The following CSMD1 variants were observed in gnomAD, a reference collection of about 807,000 sequenced individuals.
CSMD1 encodes the protein CUB and sushi domain-containing protein 1.
CSMD1 carries 213 observed loss-of-function variants against 417.5 expected under a neutral mutation model. That is an observed-to-expected ratio of 0.51 (90% confidence interval 0.46 to 0.57). The LOEUF (loss-of-function observed/expected upper bound fraction) is 0.57. CSMD1 is among the 20% of genes least tolerant of loss of function. The probability of loss-of-function intolerance (pLI) is 0.00; values close to 1 mark genes in which losing one functional copy is unlikely to be tolerated. For missense variants in CSMD1, 6,923 were observed against 4,529.7 expected (o/e 1.53, Z -15.17); for synonymous variants, 2,862 against 1,736.8 (o/e 1.65, Z -16.11).
At chr8:3,947,848 C>A (rs1374907536) in intron 5 of CSMD1, among the ~76,000 whole-genome samples, 1 of 152,134 alleles carries the variant, frequency 6.6e-6, no homozygotes, top group Non-Finnish European at 1.5e-5. Flanking sequence ...ACAGGGCTAA[C>A]AAAACCTCCA....
At chr8:3,084,472 G>T (rs113515237) in intron 49 of CSMD1, among the ~76,000 whole-genome samples, 3 of 139,148 alleles carry the variant, frequency 2.2e-5, no homozygotes, top group African/African-American at 8.1e-5. Context: ...GCCGTGAGCC[G>T]AGATCACATC....
At chr8:3,777,246 C>A (rs1471269987) in intron 5 of CSMD1, among the ~76,000 whole-genome samples, 2 of 151,846 alleles carry the variant, frequency 1.3e-5, no homozygotes, top group Non-Finnish European at 2.9e-5. Context: ...TCCTTAAGGG[C>A]AGGGGTTTGT....
chr8:3,721,455 G>C lies in CSMD1; in HGVS notation c.932-12964C>G, dbSNP rs2623551. On this transcript the variant is annotated intron_variant, in intron 6 of 69. Coordinates refer to ENST00000635120, the MANE Select transcript of CSMD1 (RefSeq NM_033225.6). ...TCAAACAGTTAGCTGGCACATATGGGACTGAGTCCATTAGTTTAACATCGG... is the reference window on the plus strand; with the variant it reads ...TCAAACAGTTAGCTGGCACATATGGCACTGAGTCCATTAGTTTAACATCGG... Among the ~76,000 whole-genome samples the C allele has an allele frequency of 4.3e-3, 655 of 152,206 alleles. 13 individuals are homozygous for C. In the East Asian group the frequency reaches 0.069, roughly 16 times the overall value.
intron 7 of CSMD1, among the ~76,000 whole-genome samples, chr8:3,706,507 C>T (rs1056633327): frequency 2.0e-5 from 3 of 152,014 alleles, no homozygotes; most frequent in Admixed American, 1.3e-4. Context: ...ACTTTAATAC[C>T]GTTAAAAGAA....
chr8:3,883,637 G>C (rs986429689), intron 5 of CSMD1, among the ~76,000 whole-genome samples: 14 of 151,982 alleles, frequency 9.2e-5, no homozygotes, highest in African/African-American at 3.4e-4. Flanking sequence ...TATTAAAATT[G>C]ATATCAATTA....
intron 3 of CSMD1, among the ~76,000 whole-genome samples, chr8:4,062,904 A>G (rs2130745528): frequency 7.4e-6 from 1 of 135,086 alleles, no homozygotes; most frequent in East Asian, 2.0e-4. Context: ...CAGCAATATT[A>G]CTGATCATTG....
chr8:3,745,932 G>C (rs191091300), intron 6 of CSMD1, among the ~76,000 whole-genome samples: 1 of 152,154 alleles, frequency 6.6e-6, no homozygotes, highest in Non-Finnish European at 1.5e-5. Flanking sequence ...GCAGCAGGCC[G>C]GGGGGAAAGG....
intron 1 of CSMD1, among the ~76,000 whole-genome samples, chr8:4,715,647 T>G (rs1808604381): frequency 6.6e-6 from 1 of 152,204 alleles, no homozygotes; most frequent in Non-Finnish European, 1.5e-5. Context: ...TCAAAATCAT[T>G]TCTCTTCCAG....
intron 3 of CSMD1, among the ~76,000 whole-genome samples, chr8:4,295,407 ATCT>A (rs1424533483): frequency 2.1e-5 from 3 of 144,500 alleles, no homozygotes; most frequent in Admixed American, 1.4e-4. Flanking sequence ...AGATTATATA[ATCT>A]TATTATACAC....
intron 37 of CSMD1, among the ~76,000 whole-genome samples, chr8:3,165,616 A>T (rs1820157396): frequency 6.6e-6 from 1 of 151,656 alleles, no homozygotes; most frequent in South Asian, 2.1e-4. Flanking sequence ...ATATTTTTAG[A>T]AAAGACGGGG....
chr8:4,819,894 T>C lies in CSMD1; in HGVS notation c.85+174438A>G, dbSNP rs1287883441. Among the ~76,000 whole-genome samples the C allele has an allele frequency of 4.6e-5, 7 of 151,950 alleles. No homozygotes were observed. The East Asian group carries it at 9.7e-4, about 21-fold the overall frequency. On this transcript the variant is annotated intron_variant, in intron 1 of 69. Coordinates refer to ENST00000635120, the MANE Select transcript of CSMD1 (RefSeq NM_033225.6). Reference sequence around the variant, plus strand: ...GGGAAGAACTATCTGCCCTGTGGACTTTGGGGGTGGGGAGAACCATTTATG... The same window carrying C: ...GGGAAGAACTATCTGCCCTGTGGACCTTGGGGGTGGGGAGAACCATTTATG...
At chr8:3,713,365 G>A (rs1423295973) in intron 6 of CSMD1, among the ~76,000 whole-genome samples, 3 of 152,044 alleles carry the variant, frequency 2.0e-5, no homozygotes, top group Non-Finnish European at 4.4e-5. Flanking sequence ...TTTTTAAAAT[G>A]GCAATAATGT....
At chr8:4,676,855 T>G (rs1239067592) in intron 1 of CSMD1, among the ~76,000 whole-genome samples, 1 of 150,972 alleles carries the variant, frequency 6.6e-6, no homozygotes, top group Admixed American at 6.6e-5. Flanking sequence ...TTTTATATAT[T>G]GAGAGAGAGA....
chr8:3,181,269 A>C lies in CSMD1; in HGVS notation c.5621-55T>G, dbSNP rs187134345. 1.9e-3 allele frequency: 2,356 copies of C among 1,208,910 alleles called. 3 individuals carry two copies. The highest frequency in any genetic ancestry group is 3.2e-3 in the Middle Eastern group (17 of 5,254). 74.9% of individuals were successfully genotyped at this position (1,208,910 alleles called of 1,614,324 possible). A position where few individuals can be genotyped will look rare whatever the true frequency, so the allele number is the denominator to read the frequency against. On this transcript the variant is annotated intron_variant, in intron 36 of 69. Transcript: ENST00000635120. ...ACACTACAAATACATTCACTTTTCTAAATATAAAACATATGAGAATACTTA... is the reference window on the plus strand; with the variant it reads ...ACACTACAAATACATTCACTTTTCTCAATATAAAACATATGAGAATACTTA...
intron 5 of CSMD1, among the ~76,000 whole-genome samples, chr8:3,928,253 C>T (rs953218672): frequency 1.1e-4 from 16 of 152,170 alleles, no homozygotes; most frequent in Non-Finnish European, 1.8e-4. Context: ...AATACAGCCT[C>T]ATAATTACAT....
intron 1 of CSMD1, among the ~76,000 whole-genome samples, chr8:4,701,343 G>T (rs2116818858): frequency 6.7e-6 from 1 of 148,736 alleles, no homozygotes; most frequent in Middle Eastern, 3.5e-3. Context: ...CTCTGCTTAA[G>T]AACTTACTAC....
intron 6 of CSMD1, among the ~76,000 whole-genome samples, chr8:3,714,725 A>G (rs1471414857): frequency 6.6e-6 from 1 of 152,060 alleles, no homozygotes; most frequent in Non-Finnish European, 1.5e-5. Flanking sequence ...CCACACAGTG[A>G]GACCCTTTAG....
At chr8:4,945,335 C>T (rs1478779102) in intron 1 of CSMD1, among the ~76,000 whole-genome samples, 1 of 152,014 alleles carries the variant, frequency 6.6e-6, no homozygotes, top group Non-Finnish European at 1.5e-5. Flanking sequence ...TGGTTGATTG[C>T]ACAGCCATGT....
chr8:3,368,569 C>G lies in CSMD1; in HGVS notation c.2899+685G>C, dbSNP rs1006640608. On this transcript the variant is annotated intron_variant, in intron 19 of 69. Coordinates refer to ENST00000635120, the MANE Select transcript of CSMD1 (RefSeq NM_033225.6). ...GGCTAGTCTGGTCTGGAACTCCTGA[C>G]CTCAGGTGATACACCTGTCTTGGCC... Among the ~76,000 whole-genome samples, 8 of 152,256 alleles carry G rather than the reference C, an allele frequency of 5.3e-5. No individual in the cohort carries two copies. In the East Asian group the frequency reaches 1.2e-3, roughly 22 times the overall value.
Sources: gnomAD v4.1 joint callset for allele counts (sites outside exome capture counted in the v4.1 genomes callset) on GRCh38, gnomAD v4.1.1 for gene constraint, MANE v1.5 for transcripts, NCBI Gene and HGNC (gene_info 2026-07-23, HGNC 2026-07-21) for gene names.